UNC5A: variants seen among roughly 807,000 people sequenced by gnomAD.
The protein encoded by UNC5A is netrin receptor UNC5A.
In UNC5A, 20 loss-of-function variants were observed where a neutral mutation model predicts 87.4. The ratio of observed to expected loss-of-function variants is 0.23; its 90% confidence interval spans 0.16 to 0.33. The LOEUF is 0.33. Among genes scored for constraint, UNC5A ranks in the 10% least tolerant of loss-of-function variants. UNC5A has a pLI of 1.00. For synonymous variants in UNC5A, 438 were observed against 482.3 expected, an observed-to-expected ratio of 0.91 and a Z score of 1.20; for missense variants, 844 against 1,133.4, an observed-to-expected ratio of 0.74 and a Z score of 3.67.
intron 1 of UNC5A, among the ~76,000 whole-genome samples, chr5:176,818,211 T>G (rs1185281016): frequency 6.6e-6 from 1 of 152,080 alleles, no homozygotes; most frequent in African/African-American, 2.4e-5. Context: ...CTGATCTCGC[T>G]GCGAAAGGGA....
At chr5:176,825,323 G>A (rs898845809) in intron 1 of UNC5A, among the ~76,000 whole-genome samples, 1 of 152,166 alleles carries the variant, frequency 6.6e-6, no homozygotes, top group African/African-American at 2.4e-5. Context: ...TAGGGGCCCA[G>A]GAGTGTGTGT....
chr5:176,862,873 C>T (rs1372523953), intron 2 of UNC5A, 28 bp downstream of exon 2: 3 of 1,610,030 alleles, frequency 1.9e-6, no homozygotes, highest in Non-Finnish European at 2.5e-6. Flanking sequence ...CCAGGCAGGG[C>T]CAATCCGGGG....
chr5:176,828,655 A>G (rs927281730), intron 1 of UNC5A, among the ~76,000 whole-genome samples: 2 of 152,094 alleles, frequency 1.3e-5, no homozygotes, highest in Admixed American at 6.6e-5. Flanking sequence ...GTTTATCCAC[A>G]TTGGAGATGA....
rs150117162 is a variant in UNC5A at position 176,851,189 on chromosome 5, T to G, written c.71-11435T>G. ...TTACTGTGCCTCTCCATGCCTCAGT[T>G]TCTTCATTGGTAATTCAAATTAGTT... On this transcript the variant is annotated intron_variant, in intron 1 of 14. Coordinates refer to ENST00000329542, the MANE Select transcript of UNC5A (RefSeq NM_133369.3). Among the ~76,000 whole-genome samples the G allele has an allele frequency of 1.5e-4, 23 of 152,368 alleles. No individual in the cohort carries two copies. The East Asian group carries it at 4.1e-3, about 27-fold the overall frequency.
intron 11 of UNC5A, 28 bp from the exon 12 acceptor site, chr5:176,878,216 C>T (rs1205559905): frequency 6.2e-7 from 1 of 1,606,870 alleles, no homozygotes; most frequent in Non-Finnish European, 8.5e-7. Flanking sequence ...TGGGGAGGGG[C>T]CTGGGCTGAC....
chr5:176,872,737 A>C (rs746230648), intron 6 of UNC5A, among the ~76,000 whole-genome samples: 417 of 53,884 alleles, frequency 7.7e-3, no homozygotes, highest in Admixed American at 0.021. Flanking sequence ...CCACAGCTTC[A>C]CATCTGCCCA....
At chr5:176,831,151 T>C (rs1181479510) in intron 1 of UNC5A, among the ~76,000 whole-genome samples, 2 of 152,068 alleles carry the variant, frequency 1.3e-5, no homozygotes, top group Non-Finnish European at 1.5e-5. Flanking sequence ...AACTAGAAGC[T>C]TTTATCGTTC....
At position 176,846,560 on chromosome 5, in the gene UNC5A, C is replaced by G. The variant is rs560795590; in HGVS notation, c.71-16064C>G. Among the ~76,000 whole-genome samples the G allele has an allele frequency of 4.9e-4, 75 of 152,288 alleles. 1 individual carries two copies. The Middle Eastern group carries it at 0.017, about 35-fold the overall frequency. On this transcript the variant is annotated intron_variant, in intron 1 of 14. Coordinates refer to ENST00000329542, the MANE Select transcript of UNC5A (RefSeq NM_133369.3). ...GGAAGCCCTCCTGGATGCCCCAGAT[C>G]GGGCCCCCCAGTTATGTGCTCATGC...
chr5:176,867,466 G>A (rs755049233), intron 2 of UNC5A, among the ~76,000 whole-genome samples: 29 of 152,022 alleles, frequency 1.9e-4, no homozygotes, highest in Non-Finnish European at 3.8e-4. Flanking sequence ...GTGCATAGGC[G>A]CCCCAGCTCA....
At chr5:176,864,021 A>G (rs1757912324) in intron 2 of UNC5A, among the ~76,000 whole-genome samples, 1 of 151,342 alleles carries the variant, frequency 6.6e-6, no homozygotes. Context: ...TACCCTGTCG[A>G]GGCACAGCCC....
At chr5:176,836,705 T>G (rs1273796677) in intron 1 of UNC5A, among the ~76,000 whole-genome samples, 1 of 152,146 alleles carries the variant, frequency 6.6e-6, no homozygotes, top group African/African-American at 2.4e-5. Flanking sequence ...TGCCCCAGCC[T>G]GACAGAGCGA....
In UNC5A at chr5:176,879,995, G is replaced by GC. The variant is rs981973657; in HGVS notation, c.*114dup. On this transcript the variant is annotated 3_prime_UTR_variant, in exon 15 of 15. Coordinates refer to ENST00000329542, the MANE Select transcript of UNC5A (RefSeq NM_133369.3). The stretch of plus-strand genomic sequence containing the variant: ...ACACCGGGGAGAGCTGCTCGGACAG[G>GC]CCCCCTCCCGGCCGAAGCTGTCCCT... 2 of 1,385,204 alleles carry GC rather than the reference G, an allele frequency of 1.4e-6. No homozygotes were observed. The highest frequency in any genetic ancestry group is 1.9e-6 in the Non-Finnish European group (2 of 1,044,040). The allele number at this position is 1,385,204 out of a possible 1,614,324, so 85.8% of individuals were successfully genotyped here.
chr5:176,813,821 T>G (rs1487435917), intron 1 of UNC5A, among the ~76,000 whole-genome samples: 1 of 152,194 alleles, frequency 6.6e-6, no homozygotes, highest in Non-Finnish European at 1.5e-5. Context: ...GCCCTGAGCT[T>G]GGGGTGGGGC....
At chr5:176,877,487 A>G (rs748664592) in intron 9 of UNC5A, 48 bp from the exon 10 acceptor site, 2 of 1,547,454 alleles carry the variant, frequency 1.3e-6, no homozygotes, top group Non-Finnish European at 1.8e-6. Flanking sequence ...AGGACCCAGG[A>G]TGGGCCACTG....
intron 1 of UNC5A, among the ~76,000 whole-genome samples, chr5:176,839,485 G>A (rs1757220523): frequency 1.3e-5 from 2 of 152,234 alleles, no homozygotes; most frequent in African/African-American, 4.8e-5. Context: ...GCATCGTTGA[G>A]CCCAGGCAGG....
chr5:176,874,545 C>T lies in UNC5A; in HGVS notation c.1357C>T (p.Arg453Trp), dbSNP rs1188651353. The T allele has an allele frequency of 4.5e-6, 7 of 1,571,422 alleles. No homozygotes were observed. The highest frequency in any genetic ancestry group is 1.2e-5 in the South Asian group (1 of 84,280). Residue 453 changes from arginine to tryptophan, a missense_variant, in exon 8 of 15, where the codon CGG becomes TGG. This residue lies in a region of UNC5A where 353 missense variants were observed against 387.5 expected (regional missense o/e 0.91). Transcript: ENST00000329542. This position sits in a 1 kb window ranked among gnomAD's most constrained non-coding sequence, Gnocchi z 7.6. Reference sequence around the variant, plus strand: ...TGGGACCTTCAACTTCCTCGGGGGCCGGCTGATGATCCCTAATACAGGTAG... The same window carrying T: ...TGGGACCTTCAACTTCCTCGGGGGCTGGCTGATGATCCCTAATACAGGTAG... ...TYGTFNFLGG[R>W]LMIPNTGISL...
chr5:176,845,519 G>A (rs1002915570), intron 1 of UNC5A, among the ~76,000 whole-genome samples: 13 of 152,228 alleles, frequency 8.5e-5, no homozygotes, highest in Non-Finnish European at 1.3e-4. Context: ...CCTGCTGGAC[G>A]ATGAGTGCCC....
At chr5:176,833,713 C>CT (rs1401997142) in intron 1 of UNC5A, among the ~76,000 whole-genome samples, 9,369 of 142,026 alleles carry the variant, frequency 0.066, 650 homozygotes, top group African/African-American at 0.17. Flanking sequence ...TTTTTTCTTT[C>CT]TTTTTTTTTT....
rs2149367317 is a variant in UNC5A, at chr5:176,870,361, CT to C, written c.722-8del. On this transcript the variant is annotated splice_region_variant and splice_polypyrimidine_tract_variant and intron_variant, in intron 5 of 14. Transcript: ENST00000329542. ...CGCACCGTCTCCTCTCTGCTTGTCT[CT>C]CATCTAGTGGACGGCAGCTGGAGCC... 1 of 1,610,732 alleles carries C rather than the reference CT, an allele frequency of 6.2e-7. No individual in the cohort carries two copies. The highest frequency in any genetic ancestry group is 2.2e-5 in the East Asian group (1 of 44,864).
Sources: allele counts gnomAD v4.1 joint callset (sites outside exome capture counted in the v4.1 genomes callset), GRCh38; gene constraint gnomAD v4.1.1; regional missense constraint gnomAD v4.1.1; non-coding constraint Gnocchi (gnomAD v3.1); transcripts MANE v1.5; gene names NCBI Gene and HGNC (gene_info 2026-07-23, HGNC 2026-07-21).